Variants in ABCC1 observed in about 807,000 individuals in gnomAD.
ABCC1 encodes multidrug resistance-associated protein 1.
A neutral mutation model predicts 172.9 loss-of-function variants in ABCC1; 83 were observed. That is an observed-to-expected ratio of 0.48 (90% CI 0.40 to 0.58). The LOEUF is 0.58. Ranked by LOEUF, ABCC1 falls within the 20% of genes least tolerant of loss-of-function variation. The probability of loss-of-function intolerance (pLI) is 0.00; values close to 1 mark genes in which losing one functional copy is unlikely to be tolerated. For missense variants in ABCC1, 1,817 were observed against 2,002.7 expected (o/e 0.91, Z 1.77); for synonymous variants, 937 against 825.2 (o/e 1.14, Z -2.32).
At chr16:16,091,646 G>GT (rs943914720) in intron 19 of ABCC1, among the ~76,000 whole-genome samples, 10 of 152,236 alleles carry the variant, frequency 6.6e-5, no homozygotes, top group African/African-American at 2.4e-4. Flanking sequence ...AGCTCAATTT[G>GT]TTTACAAAAC....
intron 20 of ABCC1, among the ~76,000 whole-genome samples, chr16:16,104,048 G>T (rs1441211086): frequency 6.6e-6 from 1 of 152,160 alleles, no homozygotes; most frequent in Non-Finnish European, 1.5e-5. Flanking sequence ...CGTGTCTGGA[G>T]TCGTTCGTTC....
chr16:16,124,310 A>T (rs1183465341), intron 24 of ABCC1, among the ~76,000 whole-genome samples: 1 of 43,056 alleles, frequency 2.3e-5, no homozygotes, highest in Non-Finnish European at 4.7e-5. Flanking sequence ...GTTGTTGTTA[A>T]TGCACTGTGT....
chr16:15,999,238 C>T (rs2047162231), intron 1 of ABCC1, among the ~76,000 whole-genome samples: 2 of 152,100 alleles, frequency 1.3e-5, no homozygotes, highest in South Asian at 4.1e-4. Flanking sequence ...ATCTCCTAAC[C>T]TCATGATTCT....
At chr16:15,968,118 C>A (rs986188155) in intron 1 of ABCC1, among the ~76,000 whole-genome samples, 1 of 152,070 alleles carries the variant, frequency 6.6e-6, no homozygotes, top group Non-Finnish European at 1.5e-5. Context: ...ACCTCCACCT[C>A]CCAAGTTCAA....
intron 16 of ABCC1, 42 bp downstream of exon 16, chr16:16,079,520 T>C: frequency 6.3e-7 from 1 of 1,586,520 alleles, no homozygotes; most frequent in Non-Finnish European, 8.6e-7. Context: ...GGGAAGCTGG[T>C]GGTCTGAGGA....
rs887660034 is a variant in ABCC1, at chr16:16,050,514, T to G, written c.1381-2210T>G. Among the ~76,000 whole-genome samples the G allele has an allele frequency of 6.9e-5, 8 of 115,538 alleles. No homozygotes were observed. The East Asian group carries it at 1.3e-3, about 19-fold the overall frequency. The allele number at this position is 115,538 out of a possible 152,430, so 75.8% of individuals were successfully genotyped here. ...ACTGGTTTATTTGGCTGTAGTTTGG[T>G]TTTTTTTTGTACATTTGTAGAGCAG... On this transcript the variant is annotated intron_variant, in intron 10 of 30. Transcript: ENST00000399410.
chr16:16,015,425 A>C (rs897267253), intron 4 of ABCC1, among the ~76,000 whole-genome samples: 2 of 152,188 alleles, frequency 1.3e-5, no homozygotes, highest in African/African-American at 4.8e-5. Context: ...GGCGTGAGCC[A>C]CCACGCCTGA....
At chr16:16,025,159 T>G (rs2048329241) in intron 5 of ABCC1, among the ~76,000 whole-genome samples, 1 of 152,192 alleles carries the variant, frequency 6.6e-6, no homozygotes, top group African/African-American at 2.4e-5. Flanking sequence ...GTTTACGTTA[T>G]ACTGGCAAAT....
chr16:15,970,432 T>G (rs1404420172), intron 1 of ABCC1, among the ~76,000 whole-genome samples: 1 of 152,208 alleles, frequency 6.6e-6, no homozygotes, highest in South Asian at 2.1e-4. Flanking sequence ...CTAAGCAGGA[T>G]GTACCCAGCT....
intron 14 of ABCC1, among the ~76,000 whole-genome samples, chr16:16,072,764 G>A (rs1007255578): frequency 1.3e-5 from 2 of 151,814 alleles, no homozygotes; most frequent in African/African-American, 4.8e-5. Flanking sequence ...ATATTAGGCC[G>A]GGCACAGTGG....
chr16:15,949,224 G>C (rs1386260340), upstream of ABCC1, among the ~76,000 whole-genome samples: 1 of 151,924 alleles, frequency 6.6e-6, no homozygotes, highest in African/African-American at 2.4e-5. Flanking sequence ...AGGATGAAAT[G>C]AGGGCACAGT....
intron 9 of ABCC1, 78 bp downstream of exon 9, chr16:16,046,091 C>A: frequency 6.7e-7 from 1 of 1,498,950 alleles, no homozygotes; most frequent in South Asian, 1.2e-5. Context: ...CTGGGGCCAG[C>A]GTGGGGATTT....
At chr16:16,134,036 C>A (rs918180930) in intron 27 of ABCC1, among the ~76,000 whole-genome samples, 6 of 152,178 alleles carry the variant, frequency 3.9e-5, no homozygotes, top group South Asian at 2.1e-4. Context: ...TTAATAGTTT[C>A]TTGAGTCTAA....
At chr16:15,960,754 A>G (rs2046108432) in intron 1 of ABCC1, among the ~76,000 whole-genome samples, 1 of 152,168 alleles carries the variant, frequency 6.6e-6, no homozygotes, top group Admixed American at 6.5e-5. Context: ...GAATGTGCAT[A>G]GGCCTTGAGG....
intron 28 of ABCC1, among the ~76,000 whole-genome samples, chr16:16,135,194 G>GC (rs2045874121): frequency 6.6e-6 from 1 of 152,178 alleles, no homozygotes; most frequent in Non-Finnish European, 1.5e-5. Flanking sequence ...TTCACGGGGT[G>GC]CACCTGCAGG....
intron 1 of ABCC1, among the ~76,000 whole-genome samples, chr16:15,993,576 A>G (rs997942255): frequency 6.6e-6 from 1 of 152,152 alleles, no homozygotes; most frequent in African/African-American, 2.4e-5. Context: ...GACGCCACTC[A>G]GTATCTTACA....
chr16:16,049,647 A>G (rs1300421720), intron 10 of ABCC1, among the ~76,000 whole-genome samples: 2 of 152,136 alleles, frequency 1.3e-5, no homozygotes, highest in African/African-American at 4.8e-5. Context: ...ACTTTAGTAT[A>G]GGAACTCATC....
chr16:16,127,262 C>T (rs777984283), intron 26 of ABCC1, among the ~76,000 whole-genome samples: 4 of 152,160 alleles, frequency 2.6e-5, no homozygotes, highest in African/African-American at 4.8e-5. Flanking sequence ...CACTCTTGCC[C>T]GGGTTGGAGT....
chr16:16,073,082 C>G (rs766507686), intron 14 of ABCC1, among the ~76,000 whole-genome samples: 5 of 151,526 alleles, frequency 3.3e-5, no homozygotes, highest in Non-Finnish European at 7.4e-5. Flanking sequence ...ATTAATGGCA[C>G]TAAGTGCAGT....
Sources: gnomAD v4.1 joint callset for allele counts (sites outside exome capture counted in the v4.1 genomes callset) on GRCh38, gnomAD v4.1.1 for gene constraint, MANE v1.5 for transcripts, NCBI Gene and HGNC (gene_info 2026-07-23, HGNC 2026-07-21) for gene names.